Variants in SLC30A5 observed in about 807,000 individuals in gnomAD.
SLC30A5 encodes proton-coupled zinc antiporter SLC30A5.
Under a neutral mutation model 79.6 loss-of-function variants are expected in SLC30A5, and 33 were observed. That is an observed-to-expected ratio of 0.41 (90% CI 0.31 to 0.55). The LOEUF (loss-of-function observed/expected upper bound fraction) is 0.55. Among genes scored for constraint, SLC30A5 ranks in the 20% least tolerant of loss-of-function variants. The pLI is 0.20. For missense variants in SLC30A5, 788 were observed against 928.1 expected (o/e 0.85, Z 1.96); for synonymous variants, 299 against 319.7 (o/e 0.94, Z 0.69).
intron 5 of SLC30A5, among the ~76,000 whole-genome samples, chr5:69,108,640 G>A (rs1215980460): frequency 1.3e-5 from 2 of 152,096 alleles, no homozygotes; most frequent in Non-Finnish European, 2.9e-5. Flanking sequence ...TAGCCAACGT[G>A]GTGAAATTCC....
In SLC30A5 at chr5:69,121,821, T is replaced by TGCATGGACACAGTGACCATGG. The variant is rs1746542356; in HGVS notation, c.1704_1724dup (p.Asp571_Ser577dup). 2 of 1,613,310 alleles carry TGCATGGACACAGTGACCATGG rather than the reference T, an allele frequency of 1.2e-6. No individual in the cohort carries two copies. Among genetic ancestry groups the TGCATGGACACAGTGACCATGG allele is most frequent in the South Asian group, 1.1e-5 (1 of 90,986 alleles). The stretch of plus-strand genomic sequence containing the variant: ...TCTGATCACAGCCATTCACACCATA[T>TGCATGGACACAGTGACCATGG]GCATGGACACAGTGACCATGGGCAT... On this transcript the variant is annotated inframe_insertion, in exon 13 of 16. Coordinates refer to ENST00000396591, the MANE Select transcript of SLC30A5 (RefSeq NM_022902.5).
chr5:69,128,133 G>A lies in SLC30A5; in HGVS notation c.2127+1G>A, dbSNP rs767470980. 3.1e-6 allele frequency: 5 copies of A among 1,595,706 alleles called. No homozygotes were observed. The highest frequency in any genetic ancestry group is 1.7e-5 in the Admixed American group (1 of 57,162). ...GCTAGAACAAAGAATAGTACAGCAG[G>A]TAATCTTTTGTTTTTAAAGTAATTT... On this transcript the variant is annotated splice_donor_variant, in intron 15 of 15. Transcript: ENST00000396591. LOFTEE classifies it high-confidence loss of function.
intron 5 of SLC30A5, among the ~76,000 whole-genome samples, chr5:69,112,373 T>C (rs1005053388): frequency 1.3e-5 from 2 of 152,178 alleles, no homozygotes; most frequent in African/African-American, 4.8e-5. Context: ...TAAACCGAGC[T>C]AATATGTCCT....
intron 4 of SLC30A5, among the ~76,000 whole-genome samples, chr5:69,106,506 A>G (rs1746082944): frequency 6.6e-6 from 1 of 152,172 alleles, no homozygotes; most frequent in Non-Finnish European, 1.5e-5. Context: ...CTGCCCTCTC[A>G]TTCTTCTACT....
At chr5:69,109,163 T>G (rs1746164327) in intron 5 of SLC30A5, among the ~76,000 whole-genome samples, 1 of 152,144 alleles carries the variant, frequency 6.6e-6, no homozygotes, top group Admixed American at 6.6e-5. Flanking sequence ...CAACAATAAT[T>G]TAATCATACA....
At chr5:69,124,269 G>A (rs1285762189) in intron 14 of SLC30A5, among the ~76,000 whole-genome samples, 3 of 150,550 alleles carry the variant, frequency 2.0e-5, no homozygotes. Context: ...TAGGTTGTCT[G>A]TAAAAGAAGA....
At chr5:69,125,251 G>A (rs1746644069) in intron 14 of SLC30A5, among the ~76,000 whole-genome samples, 1 of 152,040 alleles carries the variant, frequency 6.6e-6, no homozygotes, top group Non-Finnish European at 1.5e-5. Flanking sequence ...TTAGGGTCGG[G>A]CACGGTGGCT....
Position 69,113,176 on chromosome 5 carries a change from T to C in SLC30A5, c.484T>C (p.Cys162Arg). The C allele has an allele frequency of 6.2e-7, 1 of 1,613,568 alleles. No individual in the cohort carries two copies. Among genetic ancestry groups the C allele is most frequent in the Non-Finnish European group, 8.5e-7 (1 of 1,179,828 alleles). ...GAAFFIIAVICLLLFDNDDLM... is the reference protein window; with the variant it reads ...GAAFFIIAVIRLLLFDNDDLM... ...TGCTTTTTTCATTATTGCTGTGATC[T>C]GTTTATTGCTTTTTGACAATGATGA... The change falls in exon 6 of 16, where the codon TGT (cysteine) becomes CGT (arginine). Residue 162 changes from cysteine to arginine, a missense_variant. Cys to Arg is a radical substitution (Grantham distance 180). Transcript: ENST00000396591.
Position 69,121,886 on chromosome 5 carries a change from A to C in SLC30A5, c.1762A>C (p.Asn588His). ...ATCTGCGGGTGGAGGCATGAATGCT[A>C]ACATGAGGGGTGAGTCCTTGCAAAA... Reference protein sequence around the residue: ...HGSAGGGMNANMRGVFLHVLA... With the variant: ...HGSAGGGMNAHMRGVFLHVLA... The change falls in exon 13 of 16, where the codon AAC becomes CAC. Residue 588 changes from asparagine to histidine, a missense_variant. Asn to His is a moderately conservative substitution (Grantham distance 68, BLOSUM62 1). Coordinates refer to ENST00000396591, the MANE Select transcript of SLC30A5 (RefSeq NM_022902.5). 5 of 1,613,190 alleles carry C rather than the reference A, an allele frequency of 3.1e-6. No individual in the cohort carries two copies. Among genetic ancestry groups the C allele is most frequent in the Non-Finnish European group, 3.4e-6 (4 of 1,179,604 alleles).
intron 12 of SLC30A5, among the ~76,000 whole-genome samples, chr5:69,119,016 G>A (rs967262122): frequency 6.6e-6 from 1 of 151,980 alleles, no homozygotes; most frequent in African/African-American, 2.4e-5. Flanking sequence ...GGCCAGGCTG[G>A]TCTCGAACTA....
intron 14 of SLC30A5, among the ~76,000 whole-genome samples, chr5:69,126,308 TTTTG>T (rs1178380973): frequency 6.6e-6 from 1 of 152,122 alleles, no homozygotes. Context: ...TTTTTTAAGT[TTTTG>T]TTTGTTTGTT....
intron 10 of SLC30A5, among the ~76,000 whole-genome samples, 198 bp from the exon 11 acceptor site, chr5:69,117,041 C>T (rs188712617): frequency 8.5e-5 from 13 of 152,090 alleles, no homozygotes; most frequent in African/African-American, 2.9e-4. Flanking sequence ...TAGTTTTTTA[C>T]AATTTAATAG....
At chr5:69,100,357 C>T (rs1745875395) in intron 1 of SLC30A5, among the ~76,000 whole-genome samples, 2 of 152,178 alleles carry the variant, frequency 1.3e-5, no homozygotes, top group Admixed American at 1.3e-4. Context: ...CCACCTTAGC[C>T]TCCCGAGTGG....
chr5:69,120,867 T>C (rs1431445907), intron 12 of SLC30A5, among the ~76,000 whole-genome samples: 1 of 152,226 alleles, frequency 6.6e-6, no homozygotes, highest in African/African-American at 2.4e-5. Flanking sequence ...TGTAGGCAAA[T>C]TAACACCCTG....
Position 69,129,605 on chromosome 5 carries a change from T to A in SLC30A5, c.2286T>A (p.Thr762=), listed in dbSNP as rs1046234851. 1.2e-6 allele frequency: 2 copies of A among 1,610,180 alleles called. No homozygotes were observed. The highest frequency in any genetic ancestry group is 1.7e-6 in the Non-Finnish European group (2 of 1,178,548). Residue 762 remains threonine (T), a synonymous_variant, in exon 16 of 16, where the codon ACT becomes ACA. Coordinates refer to ENST00000396591, the MANE Select transcript of SLC30A5 (RefSeq NM_022902.5). ...MESMKYCKDG[T]YIM The stretch of plus-strand genomic sequence containing the variant: ...CCATGAAATACTGCAAAGATGGTAC[T>A]TACATCATGTGAGATAACTCAAGAA...
chr5:69,128,392 T>C (rs767271324), intron 15 of SLC30A5, among the ~76,000 whole-genome samples: 6 of 151,790 alleles, frequency 4.0e-5, no homozygotes, highest in Non-Finnish European at 8.8e-5. Context: ...GCTGGGATTA[T>C]AGGCACCCGT....
At chr5:69,125,784 AGCC>A in intron 14 of SLC30A5, among the ~76,000 whole-genome samples, 1 of 52,426 alleles carries the variant, frequency 1.9e-5, no homozygotes, top group Non-Finnish European at 4.6e-5. Context: ...GCTTGCAGTG[AGCC>A]ATGAACCTGG....
rs1746388506 is a variant in SLC30A5 at position 69,116,950 on chromosome 5, A to G, written c.1282-289A>G. Among the ~76,000 whole-genome samples the G allele has an allele frequency of 1.3e-5, 2 of 152,232 alleles. No individual in the cohort carries two copies. The highest frequency in any genetic ancestry group is 2.9e-5 in the Non-Finnish European group (2 of 68,040). ...TCAGTGTTATAAATCACCTATTGCT[A>G]ACATTTTATAACCTAGTTTATTATT... On this transcript the variant is annotated intron_variant, in intron 10 of 15. Transcript: ENST00000396591. This position sits in a 1 kb window ranked among gnomAD's most constrained non-coding sequence, Gnocchi z 4.0.
intron 7 of SLC30A5, 71 bp from the exon 8 acceptor site, chr5:69,115,164 AAG>A: frequency 2.2e-5 from 18 of 818,254 alleles, no homozygotes; most frequent in South Asian, 1.3e-4. Flanking sequence ...AAAAAAAAAA[AAG>A]ATCATGTATT....
Sources: gnomAD v4.1 joint callset for allele counts (sites outside exome capture counted in the v4.1 genomes callset) on GRCh38, gnomAD v4.1.1 for gene constraint, Gnocchi (gnomAD v3.1) non-coding constraint, MANE v1.5 for transcripts, NCBI Gene and HGNC (gene_info 2026-07-23, HGNC 2026-07-21) for gene names.